The following ABCD3 variants were observed in gnomAD, a reference collection of about 807,000 sequenced individuals.
The protein encoded by ABCD3 is ATP binding cassette subfamily D member 3.
ABCD3 carries 41 observed loss-of-function variants against 105.5 expected under a neutral mutation model. The observed-to-expected ratio is 0.39, with a 90% CI of 0.30 to 0.50. The LOEUF (loss-of-function observed/expected upper bound fraction) is 0.50. Among genes scored for constraint, ABCD3 ranks in the 20% least tolerant of loss-of-function variants. ABCD3 has a pLI of 0.84. For synonymous variants in ABCD3, 258 were observed against 269.0 expected (o/e 0.96, Z 0.40); for missense variants, 622 against 806.3 (o/e 0.77, Z 2.77).
intron 2 of ABCD3, among the ~76,000 whole-genome samples, chr1:94,463,295 G>A (rs1647966507): frequency 6.6e-6 from 1 of 152,090 alleles, no homozygotes; most frequent in Non-Finnish European, 1.5e-5. Flanking sequence ...AGTGCCTTCA[G>A]ACTTCCTTTT....
In ABCD3 at chr1:94,506,520, ATT is replaced by A; in HGVS notation, c.1741-11_1741-10del. ...GGTCTGCCTGTGTTTTACACAAAAA[ATT>A]TTTTTTATGCTTCAGATGGCAAGAT... On this transcript the variant is annotated splice_polypyrimidine_tract_variant and intron_variant, in intron 20 of 22. Coordinates refer to ENST00000370214, the MANE Select transcript of ABCD3 (RefSeq NM_002858.4). The A allele has an allele frequency of 6.3e-7, 1 of 1,579,336 alleles. No individual in the cohort carries two copies.
chr1:94,418,276 G>A (rs1659100221), upstream of ABCD3, among the ~76,000 whole-genome samples: 1 of 152,174 alleles, frequency 6.6e-6, no homozygotes. Context: ...CACGGAGGCT[G>A]CCGAGCGCGC....
At chr1:94,409,495 A>C in the ABCD3 span, among the ~76,000 whole-genome samples, 3 of 152,228 alleles carry the variant, frequency 2.0e-5, no homozygotes, top group Non-Finnish European at 4.4e-5. Flanking sequence ...ATATAGTATG[A>C]ATTAATTTAG....
intron 1 of ABCD3, among the ~76,000 whole-genome samples, chr1:94,431,309 G>A (rs1659670891): frequency 6.6e-6 from 1 of 152,102 alleles, no homozygotes; most frequent in Non-Finnish European, 1.5e-5. Context: ...CCTGAGATAG[G>A]CAGGTAGAAA....
At chr1:94,501,030 C>T (rs1650066859) in intron 20 of ABCD3, among the ~76,000 whole-genome samples, 1 of 151,948 alleles carries the variant, frequency 6.6e-6, no homozygotes, top group Non-Finnish European at 1.5e-5. Flanking sequence ...ATGGACACGA[C>T]GGAAACTCAG....
chr1:94,491,342 A>G, intron 16 of ABCD3, 95 bp downstream of exon 16: 1 of 918,506 alleles, frequency 1.1e-6, no homozygotes, highest in Admixed American at 2.1e-5. Context: ...TTAAGGCTCG[A>G]CTTAGTCTCT....
At chr1:94,425,179 G>A (rs944080803) in intron 1 of ABCD3, among the ~76,000 whole-genome samples, 1 of 152,118 alleles carries the variant, frequency 6.6e-6, no homozygotes, top group Non-Finnish European at 1.5e-5. Flanking sequence ...GTTTAATAGA[G>A]TGTAAACATT....
chr1:94,476,385 A>G lies in ABCD3; in HGVS notation c.627+648A>G, dbSNP rs550400090. 1.4e-4 allele frequency among the ~76,000 whole-genome samples: 21 copies of G among 152,068 alleles called. No homozygotes were observed. The East Asian group carries it at 4.1e-3, about 30-fold the overall frequency. ...TTATTAAACCCTCTTCTTTGCCATT[A>G]CCTCTTGCATTGACTATGATATGTA... is the stretch of plus-strand genomic sequence containing the variant. On this transcript the variant is annotated intron_variant, in intron 7 of 22. Transcript: ENST00000370214.
chr1:94,469,487 A>G (rs1254273136), intron 4 of ABCD3, among the ~76,000 whole-genome samples: 1 of 110,602 alleles, frequency 9.0e-6, no homozygotes, highest in Non-Finnish European at 2.0e-5. Context: ...ATTTGTGCAC[A>G]TTAGTTTTTT....
At chr1:94,495,087 C>T (rs1649733914) in intron 16 of ABCD3, among the ~76,000 whole-genome samples, 1 of 152,054 alleles carries the variant, frequency 6.6e-6, no homozygotes, top group Admixed American at 6.6e-5. Context: ...TCTCCAAAAA[C>T]AAGTACTTTG....
intron 2 of ABCD3, among the ~76,000 whole-genome samples, chr1:94,461,305 GA>G (rs1647857965): frequency 6.6e-6 from 1 of 152,012 alleles, no homozygotes; most frequent in Admixed American, 6.6e-5. Flanking sequence ...ATAGGGTGGG[GA>G]GAGGCAATTT....
chr1:94,449,149 T>C (rs924853448), intron 1 of ABCD3, among the ~76,000 whole-genome samples: 7 of 152,186 alleles, frequency 4.6e-5, no homozygotes, highest in Non-Finnish European at 1.0e-4. Flanking sequence ...TTGGATACCA[T>C]TAAGACACCT....
chr1:94,409,263 T>C, the ABCD3 span, among the ~76,000 whole-genome samples: 2 of 152,174 alleles, frequency 1.3e-5, no homozygotes, highest in African/African-American at 2.4e-5. Flanking sequence ...CTTGCAACGA[T>C]GAATACCACA....
intron 1 of ABCD3, among the ~76,000 whole-genome samples, chr1:94,457,574 GT>G (rs1441685287): frequency 6.6e-6 from 1 of 151,942 alleles, no homozygotes; most frequent in Non-Finnish European, 1.5e-5. Context: ...CCCCGCCTTT[GT>G]CCCCCACCTT....
chr1:94,404,925 C>T, the ABCD3 span, among the ~76,000 whole-genome samples: 1 of 140,998 alleles, frequency 7.1e-6, no homozygotes. Context: ...GGTGACAGAG[C>T]GAGACCCATC....
chr1:94,468,858 A>G (rs1328887688), intron 4 of ABCD3, among the ~76,000 whole-genome samples: 2 of 147,494 alleles, frequency 1.4e-5, no homozygotes, highest in Non-Finnish European at 3.0e-5. Context: ...TCTCTGACTC[A>G]TTTCTCTAGG....
At chr1:94,460,863 G>A (rs558078286) in intron 2 of ABCD3, among the ~76,000 whole-genome samples, 1 of 152,032 alleles carries the variant, frequency 6.6e-6, no homozygotes, top group South Asian at 2.1e-4. Context: ...TCATGTCTAA[G>A]TTCTATCTGA....
chr1:94,474,236 T>C (rs1215188817), intron 5 of ABCD3, among the ~76,000 whole-genome samples: 2 of 144,942 alleles, frequency 1.4e-5, no homozygotes, highest in African/African-American at 5.0e-5. Context: ...AGGGGGCAAC[T>C]TGGGGAGTTG....
chr1:94,448,982 C>T (rs1470590762), intron 1 of ABCD3, among the ~76,000 whole-genome samples: 4 of 151,206 alleles, frequency 2.6e-5, no homozygotes, highest in Admixed American at 6.6e-5. Flanking sequence ...ATGCTATCAG[C>T]GGCTGAACAG....
Sources: allele counts gnomAD v4.1 joint callset (sites outside exome capture counted in the v4.1 genomes callset), GRCh38; gene constraint gnomAD v4.1.1; transcripts MANE v1.5; gene names NCBI Gene and HGNC (gene_info 2026-07-23, HGNC 2026-07-21).